STXBP4: variants seen among roughly 807,000 people sequenced by gnomAD.
STXBP4 encodes syntaxin-binding protein 4.
Under a neutral mutation model 76.1 loss-of-function variants are expected in STXBP4, and 55 were observed. The observed-to-expected ratio is 0.72, with a 90% confidence interval of 0.58 to 0.91. The LOEUF is 0.91. STXBP4 is among the 40% of genes least tolerant of loss of function. The pLI, the probability that STXBP4 is intolerant of heterozygous loss-of-function variation, is 0.00. For missense variants in STXBP4, 618 were observed against 636.9 expected (o/e 0.97, Z 0.32); for synonymous variants, 201 against 220.2 (o/e 0.91, Z 0.77).
intron 12 of STXBP4, among the ~76,000 whole-genome samples, chr17:55,063,493 C>G (rs1237532691): frequency 1.3e-5 from 2 of 152,112 alleles, no homozygotes; most frequent in Non-Finnish European, 2.9e-5. Context: ...TATTTTCTGG[C>G]TATTTAGGGA....
Position 55,047,599 on chromosome 17 carries a change from T to C in STXBP4, c.1011+445T>C, listed in dbSNP as rs1309791068. Among the ~76,000 whole-genome samples the C allele has an allele frequency of 3.3e-5, 5 of 152,038 alleles. No homozygotes were observed. In the East Asian group the frequency reaches 9.6e-4, roughly 29 times the overall value. On this transcript the variant is annotated intron_variant, in intron 12 of 17. Transcript: ENST00000376352. ...ATAAAAAGCAAATATTTATTTTCAC[T>C]TTGCATTATTCTTCAAAGAATTTGA...
intron 17 of STXBP4, among the ~76,000 whole-genome samples, chr17:55,154,417 A>C (rs1178737968): frequency 6.6e-6 from 1 of 152,236 alleles, no homozygotes; most frequent in Non-Finnish European, 1.5e-5. Flanking sequence ...CACTGCCAAC[A>C]GGTATATGAA....
chr17:55,087,929 A>G (rs774639479), intron 16 of STXBP4, among the ~76,000 whole-genome samples: 32 of 152,136 alleles, frequency 2.1e-4, no homozygotes, highest in African/African-American at 7.2e-4. Context: ...TTCCATGAGC[A>G]TTTTGTAGTT....
chr17:55,146,775 A>G (rs1485324196), intron 17 of STXBP4, among the ~76,000 whole-genome samples: 1 of 152,210 alleles, frequency 6.6e-6, no homozygotes, highest in Non-Finnish European at 1.5e-5. Context: ...ATTTGGTCCA[A>G]GCTCACTCAT....
chr17:55,087,247 C>T (rs1159278030), intron 16 of STXBP4, among the ~76,000 whole-genome samples: 2 of 152,050 alleles, frequency 1.3e-5, no homozygotes, highest in African/African-American at 4.8e-5. Flanking sequence ...TGATTGTTAC[C>T]TTTGCTGTGC....
intron 17 of STXBP4, among the ~76,000 whole-genome samples, chr17:55,153,579 TTA>T (rs1255033066): frequency 1.3e-5 from 2 of 152,208 alleles, no homozygotes; most frequent in Admixed American, 6.5e-5. Context: ...GTTTTAAATT[TTA>T]GTTTTTTAAG....
chr17:55,075,004 A>G lies in STXBP4; in HGVS notation c.1188+1928A>G, dbSNP rs1287036546. Among the ~76,000 whole-genome samples the G allele has an allele frequency of 3.9e-5, 6 of 151,928 alleles. No individual in the cohort carries two copies. In the South Asian group the frequency reaches 6.2e-4, roughly 16 times the overall value. ...TAACAGATTCTTTTTGTAACAGTAC[A>G]TTTATTTTTCATTATAATTTTTTCT... On this transcript the variant is annotated intron_variant, in intron 13 of 17. Coordinates refer to ENST00000376352, the MANE Select transcript of STXBP4 (RefSeq NM_178509.6).
intron 17 of STXBP4, among the ~76,000 whole-genome samples, chr17:55,155,972 T>C (rs1027551236): frequency 5.3e-5 from 8 of 152,208 alleles, no homozygotes; most frequent in African/African-American, 1.9e-4. Flanking sequence ...TCGAATATTA[T>C]TGTTTTCCAA....
intron 16 of STXBP4, among the ~76,000 whole-genome samples, chr17:55,133,992 G>A (rs1170217093): frequency 6.6e-6 from 1 of 152,156 alleles, no homozygotes; most frequent in Non-Finnish European, 1.5e-5. Flanking sequence ...ACAAAGTTTT[G>A]TCTTTAATTT....
At chr17:55,211,110 T>C in the STXBP4 span, among the ~76,000 whole-genome samples, 1 of 152,006 alleles carries the variant, frequency 6.6e-6, no homozygotes, top group African/African-American at 2.4e-5. Flanking sequence ...CCCATGAAAT[T>C]TGTCACTGTA....
Position 55,159,995 on chromosome 17 carries a change from T to C in STXBP4, c.*84T>C, listed in dbSNP as rs904634117. 362 of 828,624 alleles carry C rather than the reference T, an allele frequency of 4.4e-4. 3 individuals carry two copies. Among genetic ancestry groups the C allele is most frequent in the Non-Finnish European group, 9.6e-5 (48 of 501,064 alleles). 51.3% of individuals were successfully genotyped at this position (828,624 alleles called of 1,614,324 possible). ...AATTCTGAGATGAAACAGTCTAAAATAGGAGTAAAGCATGCACTACTTGTT... is the reference window on the plus strand; with the variant it reads ...AATTCTGAGATGAAACAGTCTAAAACAGGAGTAAAGCATGCACTACTTGTT... On this transcript the variant is annotated 3_prime_UTR_variant, in exon 18 of 18. Transcript: ENST00000376352.
the STXBP4 span, among the ~76,000 whole-genome samples, chr17:55,204,942 AAC>A: frequency 6.6e-6 from 1 of 152,104 alleles, no homozygotes; most frequent in Admixed American, 6.6e-5. Context: ...TACCTTCAAG[AAC>A]TATTGAATAA....
At chr17:55,063,213 A>T (rs2079014486) in intron 12 of STXBP4, among the ~76,000 whole-genome samples, 1 of 152,244 alleles carries the variant, frequency 6.6e-6, no homozygotes. Context: ...GCATTGGCAA[A>T]CAAAGGTGTC....
intron 5 of STXBP4, 53 bp from the exon 6 acceptor site, chr17:54,999,579 C>T (rs776353861): frequency 3.8e-5 from 58 of 1,518,242 alleles, no homozygotes; most frequent in Non-Finnish European, 1.1e-5. Flanking sequence ...TCTTGGATTT[C>T]AGTTGTACTA....
At chr17:55,076,813 A>T (rs1232259515) in intron 13 of STXBP4, among the ~76,000 whole-genome samples, 1 of 151,928 alleles carries the variant, frequency 6.6e-6, no homozygotes, top group Non-Finnish European at 1.5e-5. Flanking sequence ...TTTTCTCTTT[A>T]CCTTTTCTCC....
chr17:55,045,134 C>T (rs1567735611), intron 11 of STXBP4, among the ~76,000 whole-genome samples: 2 of 152,052 alleles, frequency 1.3e-5, no homozygotes, highest in East Asian at 3.8e-4. Flanking sequence ...TAAAATTTTG[C>T]ATATGTTACC....
At chr17:55,179,857 G>GTTATAT in the STXBP4 span, among the ~76,000 whole-genome samples, 3 of 152,158 alleles carry the variant, frequency 2.0e-5, no homozygotes, top group Non-Finnish European at 4.4e-5. Flanking sequence ...AGACTCAAAA[G>GTTATAT]TTATATGTGG....
chr17:55,084,449 G>A (rs2079297950), intron 16 of STXBP4, among the ~76,000 whole-genome samples: 1 of 152,024 alleles, frequency 6.6e-6, no homozygotes, highest in Non-Finnish European at 1.5e-5. Context: ...CTTTCTGATG[G>A]TAGTTTCTTT....
At chr17:55,113,364 A>G (rs1484632236) in intron 16 of STXBP4, among the ~76,000 whole-genome samples, 1 of 152,116 alleles carries the variant, frequency 6.6e-6, no homozygotes, top group East Asian at 1.9e-4. Flanking sequence ...CACTTTAAAT[A>G]CATACAATAA....
Sources: allele counts gnomAD v4.1 joint callset (sites outside exome capture counted in the v4.1 genomes callset), GRCh38; gene constraint gnomAD v4.1.1; transcripts MANE v1.5; gene names NCBI Gene and HGNC (gene_info 2026-07-23, HGNC 2026-07-21).